The following MISP variants were observed in gnomAD, a reference collection of about 807,000 sequenced individuals.
MISP encodes mitotic spindle positioning.
MISP carries 51 observed loss-of-function variants against 49.3 expected under a neutral mutation model. The ratio of observed to expected loss-of-function variants is 1.03; its 90% CI spans 0.83 to 1.31. The LOEUF (loss-of-function observed/expected upper bound fraction) is 1.31. Among genes scored for constraint, MISP ranks in the 50% most tolerant of loss-of-function variants. MISP has a pLI of 0.00. For missense variants in MISP, 1,084 were observed against 935.1 expected (o/e 1.16, Z -2.08); for synonymous variants, 444 against 392.6 (o/e 1.13, Z -1.55).
chr19:761,624 G>T lies in MISP; in HGVS notation c.1912-1G>T, dbSNP rs761908200. 11 of 1,614,096 alleles carry T rather than the reference G, an allele frequency of 6.8e-6. No homozygotes were observed. The highest frequency in any genetic ancestry group is 8.5e-6 in the Non-Finnish European group (10 of 1,180,006). On this transcript the variant is annotated splice_acceptor_variant, in intron 3 of 4. Transcript: ENST00000215582. LOFTEE classifies it high-confidence loss of function. ...GGCTGACTTGTGTTCCTTTCCTGTAGTACGCTGGCATCAACCCCTCGGACG... is the reference window on the plus strand; with the variant it reads ...GGCTGACTTGTGTTCCTTTCCTGTATTACGCTGGCATCAACCCCTCGGACG...
intron 4 of MISP, 119 bp from the exon 5 acceptor site, chr19:763,382 G>A: frequency 1.4e-6 from 1 of 691,624 alleles, no homozygotes; most frequent in Non-Finnish European, 2.6e-6. Flanking sequence ...GTCTGAAACA[G>A]AGGAGGGGAT....
In MISP at chr19:758,726, G is replaced by C. The variant is rs200929380; in HGVS notation, c.1780G>C (p.Gly594Arg). ...QNSRSSSQAS[G>R]ITGSYSVSES... ...CTCCAGGAGCTCCTCCCAGGCATCC[G>C]GTGAGAAGGGGCTCCAGGGAGTGGC... The change falls in exon 2 of 5, where the codon GGC (glycine) becomes CGC (arginine). Residue 594 changes from glycine to arginine, a missense_variant and splice_region_variant. Gly to Arg is a moderately radical substitution (Grantham distance 125). Coordinates refer to ENST00000215582, the MANE Select transcript of MISP (RefSeq NM_173481.4). 5 of 1,609,454 alleles carry C rather than the reference G, an allele frequency of 3.1e-6. No homozygotes were observed. The highest frequency in any genetic ancestry group is 1.7e-5 in the Admixed American group (1 of 59,814).
In MISP at chr19:757,591, G is replaced by A. The variant is rs759691717; in HGVS notation, c.645G>A (p.Pro215=). 4.3e-6 allele frequency: 7 copies of A among 1,612,654 alleles called. No homozygotes were observed. The highest frequency in any genetic ancestry group is 4.5e-5 in the East Asian group (2 of 44,830). Residue 215 remains proline, a synonymous_variant, in exon 2 of 5, where the codon CCG becomes CCA. Transcript: ENST00000215582. ...ACAAGGGGGCCCCTCATAGCTCCCC[G>A]GCCAGGGGGACCCCTGCAGGCACAA... is the stretch of plus-strand genomic sequence containing the variant. ...QANKGAPHSS[P]ARGTPAGTTP...
upstream of MISP, among the ~76,000 whole-genome samples, chr19:749,429 C>T (rs912566302): frequency 6.6e-6 from 1 of 151,376 alleles, no homozygotes; most frequent in African/African-American, 2.4e-5. Flanking sequence ...TGGCGGGAGG[C>T]GGCGGTGGGA....
Position 758,494 on chromosome 19 carries a change from G to A in MISP, c.1548G>A (p.Glu516=), listed in dbSNP as rs769426380. The A allele has an allele frequency of 6.1e-5, 98 of 1,613,960 alleles. No individual in the cohort carries two copies. The highest frequency in any genetic ancestry group is 2.5e-4 in the Admixed American group (15 of 60,008). The change falls in exon 2 of 5, where the codon GAG becomes GAA. Residue 516 remains glutamate, a synonymous_variant. Transcript: ENST00000215582. ...LRPLRFRAPD[E]PQQAQVPHVW... ...CTCTGCGGTTCAGGGCCCCAGACGA[G>A]CCCCAGCAGGCCCAAGTCCCCCATG...
At chr19:749,421 G>A (rs1033559778), upstream of MISP, among the ~76,000 whole-genome samples, 1 of 152,244 alleles carries the variant, frequency 6.6e-6, no homozygotes, top group Non-Finnish European at 1.5e-5. Context: ...GAAGGGGGTG[G>A]CGGGAGGCGG....
intron 1 of MISP, among the ~76,000 whole-genome samples, chr19:751,456 C>G (rs755110235): frequency 6.6e-6 from 1 of 152,200 alleles, no homozygotes; most frequent in African/African-American, 2.4e-5. Context: ...CCCCAAATCC[C>G]AGAGCCCTCC....
rs369900772 is a variant in MISP, at chr19:751,427, C to T, written c.-58+256C>T. On this transcript the variant is annotated intron_variant, in intron 1 of 4. Coordinates refer to ENST00000215582, the MANE Select transcript of MISP (RefSeq NM_173481.4). ...GAGCAGAGAGGCCCTTGTCCCTGAACTCTGCTGGGGCTTTTGAACCCCAAA... is the reference window on the plus strand; with the variant it reads ...GAGCAGAGAGGCCCTTGTCCCTGAATTCTGCTGGGGCTTTTGAACCCCAAA... Among the ~76,000 whole-genome samples the T allele has an allele frequency of 4.6e-5, 7 of 152,316 alleles. No homozygotes were observed. The East Asian group carries it at 9.7e-4, about 21-fold the overall frequency.
chr19:763,156 A>G (rs906391573), intron 4 of MISP, among the ~76,000 whole-genome samples: 14 of 152,206 alleles, frequency 9.2e-5, no homozygotes, highest in African/African-American at 3.4e-4. Context: ...GGGCCTCTGT[A>G]GTCCCAGCTA....
upstream of MISP, among the ~76,000 whole-genome samples, chr19:748,547 G>C (rs1002124504): frequency 1.3e-5 from 2 of 152,182 alleles, no homozygotes; most frequent in African/African-American, 2.4e-5. Flanking sequence ...GCTGCTGTGG[G>C]GGGGCAGGAC....
intron 1 of MISP, among the ~76,000 whole-genome samples, chr19:754,420 G>A (rs536420762): frequency 2.6e-5 from 4 of 152,140 alleles, no homozygotes; most frequent in Admixed American, 6.5e-5. Context: ...CCGAGATCGC[G>A]CCACTGCACT....
At chr19:749,433 G>A (rs190387003), upstream of MISP, among the ~76,000 whole-genome samples, 5 of 152,342 alleles carry the variant, frequency 3.3e-5, no homozygotes, top group African/African-American at 7.2e-5. Context: ...GGGAGGCGGC[G>A]GTGGGAGGCG....
chr19:753,115 C>T (rs920537531), intron 1 of MISP, among the ~76,000 whole-genome samples: 1 of 152,188 alleles, frequency 6.6e-6, no homozygotes, highest in East Asian at 1.9e-4. Context: ...GGGCAGGCGG[C>T]GTCCACGGAG....
chr19:749,106 C>T (rs1401675231), upstream of MISP, among the ~76,000 whole-genome samples: 4 of 152,168 alleles, frequency 2.6e-5, no homozygotes, highest in Non-Finnish European at 5.9e-5. Flanking sequence ...CCACTGCACT[C>T]CAACCTGGGC....
intron 4 of MISP, among the ~76,000 whole-genome samples, chr19:762,543 G>T (rs558738075): frequency 6.6e-6 from 1 of 152,266 alleles, no homozygotes; most frequent in African/African-American, 2.4e-5. Context: ...GTGAGCCACC[G>T]CACCCAGCCA....
intron 1 of MISP, among the ~76,000 whole-genome samples, chr19:754,696 G>C (rs2033517827): frequency 1.3e-5 from 2 of 152,232 alleles, no homozygotes; most frequent in South Asian, 4.1e-4. Flanking sequence ...TTCAGATGAT[G>C]GCTCTGGGGG....
In MISP at chr19:757,988, TCC is replaced by T. The variant is rs1276986285; in HGVS notation, c.1044_1045del (p.Tyr350ArgfsTer12). 1 of 1,577,312 alleles carries T rather than the reference TCC, an allele frequency of 6.3e-7. No individual in the cohort carries two copies. The highest frequency in any genetic ancestry group is 8.6e-7 in the Non-Finnish European group (1 of 1,166,482). On this transcript the variant is annotated frameshift_variant, in exon 2 of 5. Transcript: ENST00000215582. LOFTEE classifies it high-confidence loss of function. ...TAPRRERGRP[S>X]LYVQRDIVQE... ...CCCACGGCGGGAGAGAGGGCGCCCGTCCCTCTACGTGCAGCGGGACATAGTAC... is the reference window on the plus strand; with the variant it reads ...CCCACGGCGGGAGAGAGGGCGCCCGTCTCTACGTGCAGCGGGACATAGTAC...
At position 757,077 on chromosome 19, in the gene MISP, G is replaced by A. The variant is rs761507501; in HGVS notation, c.131G>A (p.Gly44Asp). ...VCMGPEASGWGQDEPQTWPTD... is the reference protein window; with the variant it reads ...VCMGPEASGWDQDEPQTWPTD... ...ATGGGCCCCGAGGCCAGCGGCTGGG[G>A]CCAGGATGAGCCGCAGACATGGCCC... Residue 44 changes from glycine to aspartate, a missense_variant, in exon 2 of 5, where the codon GGC (glycine) becomes GAC (aspartate). Gly to Asp is a moderately conservative substitution (Grantham distance 94). Coordinates refer to ENST00000215582, the MANE Select transcript of MISP (RefSeq NM_173481.4). 2.7e-5 allele frequency: 44 copies of A among 1,612,514 alleles called. No homozygotes were observed. The East Asian group carries it at 8.0e-4, about 29-fold the overall frequency.
upstream of MISP, among the ~76,000 whole-genome samples, chr19:748,623 G>T (rs1380683085): frequency 1.3e-5 from 2 of 152,076 alleles, no homozygotes; most frequent in African/African-American, 2.4e-5. Flanking sequence ...TCCCTTTGCT[G>T]GGCTCACAGC....
Sources: allele counts gnomAD v4.1 joint callset (sites outside exome capture counted in the v4.1 genomes callset), GRCh38; gene constraint gnomAD v4.1.1; transcripts MANE v1.5; gene names NCBI Gene and HGNC (gene_info 2026-07-23, HGNC 2026-07-21).